RECK: variants seen among roughly 807,000 people sequenced by gnomAD.
RECK encodes the protein reversion-inducing cysteine-rich protein with Kazal motifs.
RECK carries 69 observed loss-of-function variants against 115.1 expected under a neutral mutation model. The observed-to-expected ratio is 0.60, with a 90% confidence interval of 0.49 to 0.73. The LOEUF is 0.73. Among genes scored for constraint, RECK ranks in the 30% least tolerant of loss-of-function variants. The probability of loss-of-function intolerance (pLI) is 0.00; values close to 1 mark genes in which losing one functional copy is unlikely to be tolerated. For missense variants in RECK, 1,047 were observed against 1,203.7 expected, an observed-to-expected ratio of 0.87 and a Z score of 1.93; for synonymous variants, 414 against 419.7, an observed-to-expected ratio of 0.99 and a Z score of 0.17.
At chr9:36,112,800 G>GACTA (rs1413720010) in intron 16 of RECK, among the ~76,000 whole-genome samples, 1 of 152,198 alleles carries the variant, frequency 6.6e-6, no homozygotes, top group Non-Finnish European at 1.5e-5. Context: ...AGTGAAGGCA[G>GACTA]ACTAACAAGA....
intron 4 of RECK, among the ~76,000 whole-genome samples, chr9:36,062,991 C>T (rs571645669): frequency 3.4e-3 from 523 of 151,842 alleles, no homozygotes; most frequent in African/African-American, 0.012. Flanking sequence ...AAAAATTAGC[C>T]GGGCATGGTG....
Position 36,118,873 on chromosome 9 carries a change from C to T in RECK, c.2370C>T (p.Val790=), listed in dbSNP as rs769082755. 10 of 1,613,902 alleles carry T rather than the reference C, an allele frequency of 6.2e-6. No individual in the cohort carries two copies. Among genetic ancestry groups the T allele is most frequent in the East Asian group, 2.2e-5 (1 of 44,902 alleles). Residue 790 remains valine (V), a synonymous_variant, in exon 18 of 21, where the codon GTC becomes GTT. Coordinates refer to ENST00000377966, the MANE Select transcript of RECK (RefSeq NM_021111.3). ...AVDYYGDCQA[V]GVLSEHSSVA... is the part of the protein sequence containing the mutation. ...ATTACTATGGGGACTGCCAGGCCGT[C>T]GGAGTCCTCTCAGAGCACAGCTCCG...
chr9:36,100,561 T>G lies in RECK; in HGVS notation c.1298+18T>G. On this transcript the variant is annotated intron_variant, in intron 11 of 20. Transcript: ENST00000377966. ...ATTTGCAAGTAAGTTTCTTTCATCC[T>G]AACGATTCTCCAGCTTTAGTTCAGA... The G allele has an allele frequency of 1.3e-6, 2 of 1,583,354 alleles. No homozygotes were observed. Among genetic ancestry groups the G allele is most frequent in the African/African-American group, 1.3e-5 (1 of 74,404 alleles).
chr9:36,113,379 C>T (rs1365172810), intron 16 of RECK, among the ~76,000 whole-genome samples: 1 of 152,120 alleles, frequency 6.6e-6, no homozygotes, highest in African/African-American at 2.4e-5. Flanking sequence ...ATTAGTCATC[C>T]ATCTGCCAAA....
In RECK at chr9:36,112,299, C is replaced by G. The variant is rs1401150201; in HGVS notation, c.1889-6C>G. The stretch of plus-strand genomic sequence containing the variant: ...ACATATTTTTGAGGCTGTTTCCTCT[C>G]CTCAGGTCTGCCCTGTAACTGTGCA... On this transcript the variant is annotated splice_region_variant and splice_polypyrimidine_tract_variant and intron_variant, in intron 15 of 20. Coordinates refer to ENST00000377966, the MANE Select transcript of RECK (RefSeq NM_021111.3). The G allele has an allele frequency of 6.2e-7, 1 of 1,612,554 alleles. No individual in the cohort carries two copies. Among genetic ancestry groups the G allele is most frequent in the Non-Finnish European group, 8.5e-7 (1 of 1,179,724 alleles).
chr9:36,117,146 G>A lies in RECK; in HGVS notation c.2222G>A (p.Gly741Glu). 6.2e-7 allele frequency: 1 copy of A among 1,611,826 alleles called. No individual in the cohort carries two copies. Among genetic ancestry groups the A allele is most frequent in the Non-Finnish European group, 8.5e-7 (1 of 1,178,878 alleles). The change falls in exon 17 of 21, where the codon GGA (glycine) becomes GAA (glutamate). Residue 741 changes from glycine to glutamate, a missense_variant. Transcript: ENST00000377966. ...HNNLCTLYQRGKSLSYKGPCQ... is the reference protein window; with the variant it reads ...HNNLCTLYQREKSLSYKGPCQ... ...AATCTCTGCACTTTATACCAAAGAG[G>A]AAAAAGCCTCTCTTACAAAGGTCCC...
intron 1 of RECK, among the ~76,000 whole-genome samples, chr9:36,037,751 C>A (rs1054652234): frequency 2.0e-5 from 3 of 151,914 alleles, no homozygotes; most frequent in African/African-American, 7.3e-5. Flanking sequence ...CCGACTCCTT[C>A]CGTCCAAAAG....
At chr9:36,082,219 T>A (rs1423136276) in intron 7 of RECK, among the ~76,000 whole-genome samples, 5 of 149,370 alleles carry the variant, frequency 3.3e-5, no homozygotes, top group Non-Finnish European at 7.4e-5. Context: ...GATTTGGCTG[T>A]GTTGCTGAGG....
At chr9:36,098,723 A>C (rs1823455789) in intron 10 of RECK, among the ~76,000 whole-genome samples, 1 of 152,230 alleles carries the variant, frequency 6.6e-6, no homozygotes, top group South Asian at 2.1e-4. Flanking sequence ...GGAGAATGAA[A>C]GAATATAACA....
intron 6 of RECK, among the ~76,000 whole-genome samples, chr9:36,071,079 T>A (rs1390575773): frequency 6.6e-6 from 1 of 152,208 alleles, no homozygotes; most frequent in Non-Finnish European, 1.5e-5. Flanking sequence ...TCAGAACAGA[T>A]GCTGGCTGTA....
intron 17 of RECK, among the ~76,000 whole-genome samples, 187 bp from the exon 18 acceptor site, chr9:36,118,570 A>G (rs916828944): frequency 6.6e-6 from 1 of 152,166 alleles, no homozygotes; most frequent in African/African-American, 2.4e-5. Context: ...ATCTGGAGAC[A>G]CCCATATTGC....
intron 1 of RECK, among the ~76,000 whole-genome samples, chr9:36,045,048 A>G (rs1196804820): frequency 6.6e-6 from 1 of 152,196 alleles, no homozygotes; most frequent in Non-Finnish European, 1.5e-5. Context: ...GTGGAGAAGG[A>G]TGTATGTAAC....
At chr9:36,058,183 G>A (rs1295389981) in intron 2 of RECK, among the ~76,000 whole-genome samples, 1 of 151,930 alleles carries the variant, frequency 6.6e-6, no homozygotes, top group Non-Finnish European at 1.5e-5. Context: ...AAATCATGCT[G>A]CTATAAAGAT....
chr9:36,097,199 G>T (rs1272397790), intron 10 of RECK, among the ~76,000 whole-genome samples: 1 of 151,830 alleles, frequency 6.6e-6, no homozygotes, highest in African/African-American at 2.4e-5. Context: ...GTGGTGGCAG[G>T]CACCTGTAGT....
At chr9:36,079,501 C>T (rs1011899556) in intron 6 of RECK, among the ~76,000 whole-genome samples, 3 of 152,096 alleles carry the variant, frequency 2.0e-5, no homozygotes, top group African/African-American at 7.2e-5. Context: ...ATTGTTAAAT[C>T]AAGTGTGGCA....
At chr9:36,073,231 G>GACACACAC (rs1296993241) in intron 6 of RECK, among the ~76,000 whole-genome samples, 16 of 94,988 alleles carry the variant, frequency 1.7e-4, no homozygotes, top group East Asian at 6.7e-4. Flanking sequence ...GACACACACA[G>GACACACAC]ACACACACAG....
At chr9:36,085,201 T>G (rs1435083931) in intron 8 of RECK, 1 of 248,620 alleles carries the variant, frequency 4.0e-6, no homozygotes. Flanking sequence ...CAATGAGCAA[T>G]TATTACTTTT....
At chr9:36,047,572 T>C (rs1173944720) in intron 1 of RECK, among the ~76,000 whole-genome samples, 2 of 152,134 alleles carry the variant, frequency 1.3e-5, no homozygotes, top group East Asian at 3.9e-4. Context: ...ACCACTCCAC[T>C]CCAGCCTGGG....
intron 6 of RECK, chr9:36,066,678 A>G: frequency 1.9e-6 from 1 of 513,146 alleles, no homozygotes; most frequent in South Asian, 2.5e-5. Context: ...CTTTGAAATA[A>G]CCAGTTTTAG....
Sources: gnomAD v4.1 joint callset for allele counts (sites outside exome capture counted in the v4.1 genomes callset) on GRCh38, gnomAD v4.1.1 for gene constraint, MANE v1.5 for transcripts, NCBI Gene and HGNC (gene_info 2026-07-23, HGNC 2026-07-21) for gene names.